SLC27A6: variants seen among roughly 807,000 people sequenced by gnomAD.
The protein encoded by SLC27A6 is long-chain fatty acid transport protein 6.
In SLC27A6, 74 loss-of-function variants were observed where a neutral mutation model predicts 63.9. The ratio of observed to expected loss-of-function variants is 1.16; its 90% CI spans 0.96 to 1.40. The LOEUF (loss-of-function observed/expected upper bound fraction) is 1.40. SLC27A6 is among the 40% of genes most tolerant of loss of function. SLC27A6 has a pLI of 0.00. For synonymous variants in SLC27A6, 287 were observed against 260.8 expected (o/e 1.10, Z -0.97); for missense variants, 794 against 732.9 (o/e 1.08, Z -0.96).
intron 5 of SLC27A6, among the ~76,000 whole-genome samples, chr5:129,016,486 C>T (rs977389725): frequency 2.1e-4 from 31 of 148,024 alleles, no homozygotes; most frequent in African/African-American, 6.5e-4. Flanking sequence ...AATATTATCA[C>T]CTTTTTTTTT....
intron 5 of SLC27A6, among the ~76,000 whole-genome samples, chr5:129,021,691 G>A (rs1339701971): frequency 6.6e-6 from 1 of 152,164 alleles, no homozygotes; most frequent in African/African-American, 2.4e-5. Context: ...AGCCATTTTT[G>A]TAATATCATG....
At chr5:129,005,873 A>C (rs1012648098) in intron 4 of SLC27A6, among the ~76,000 whole-genome samples, 40 of 151,274 alleles carry the variant, frequency 2.6e-4, no homozygotes, top group African/African-American at 9.2e-4. Context: ...CGGCCCCCCA[A>C]AGTGCTAGGA....
At chr5:129,023,806 C>G in intron 6 of SLC27A6, 96 bp downstream of exon 6, 1 of 805,468 alleles carries the variant, frequency 1.2e-6, no homozygotes, top group South Asian at 1.6e-5. Flanking sequence ...GTTCCAGGAC[C>G]CCGGGTAGAC....
At chr5:128,976,236 C>T (rs955253230) in intron 1 of SLC27A6, among the ~76,000 whole-genome samples, 8 of 152,124 alleles carry the variant, frequency 5.3e-5, no homozygotes, top group African/African-American at 1.7e-4. Flanking sequence ...GGGGCCAGCG[C>T]GGTGGCTCAT....
chr5:128,977,152 A>G (rs1355866652), intron 1 of SLC27A6, among the ~76,000 whole-genome samples: 4 of 152,256 alleles, frequency 2.6e-5, no homozygotes, highest in African/African-American at 9.6e-5. Context: ...GCAAGTGTTC[A>G]TGTGTATCAT....
chr5:128,967,731 A>G (rs1479127267), intron 1 of SLC27A6, among the ~76,000 whole-genome samples: 1 of 151,918 alleles, frequency 6.6e-6, no homozygotes, highest in East Asian at 1.9e-4. Context: ...GGTCTGATAA[A>G]GTGGCAAATG....
chr5:129,025,566 T>A (rs78386445), intron 6 of SLC27A6, among the ~76,000 whole-genome samples: 1 of 152,238 alleles, frequency 6.6e-6, no homozygotes, highest in Admixed American at 6.5e-5. Flanking sequence ...GCCTTTCTTA[T>A]AGGTTTGTGA....
chr5:128,974,695 G>C (rs1403232472), intron 1 of SLC27A6, among the ~76,000 whole-genome samples: 1 of 152,182 alleles, frequency 6.6e-6, no homozygotes, highest in Non-Finnish European at 1.5e-5. Flanking sequence ...TTCAGACGGA[G>C]GTAAGCCAGA....
At chr5:128,970,196 G>A in intron 1 of SLC27A6, among the ~76,000 whole-genome samples, 1 of 146,364 alleles carries the variant, frequency 6.8e-6, no homozygotes, top group Non-Finnish European at 1.5e-5. Flanking sequence ...TTGCATCAGT[G>A]TTCATCAAGG....
At position 128,985,132 on chromosome 5, in the gene SLC27A6, G is replaced by T. The variant is rs892764808; in HGVS notation, c.482-1G>T. On this transcript the variant is annotated splice_acceptor_variant, in intron 1 of 9. Coordinates refer to ENST00000262462, the MANE Select transcript of SLC27A6 (RefSeq NM_001017372.3). LOFTEE classifies it high-confidence loss of function. ...ACTCTTCCCAACCCTTTGGCTTTTA[G>T]ATTTGCTTGGAACGGTAGAAGAAAT... 6.2e-6 allele frequency: 10 copies of T among 1,612,072 alleles called. No homozygotes were observed. The highest frequency in any genetic ancestry group is 2.2e-5 in the South Asian group (2 of 90,914).
At position 128,966,048 on chromosome 5, in the gene SLC27A6, G is replaced by T; in HGVS notation, c.-90G>T. On this transcript the variant is annotated 5_prime_UTR_variant, in exon 1 of 10. Coordinates refer to ENST00000262462, the MANE Select transcript of SLC27A6 (RefSeq NM_001017372.3). ...TCAGGTGTAAGCCCTGAGTAGTGAG[G>T]ATCTGCGGTCTCCGTGGAGAGCTGT... 6.8e-7 allele frequency: 1 copy of T among 1,465,548 alleles called. No homozygotes were observed. The highest frequency in any genetic ancestry group is 1.5e-5 in the South Asian group (1 of 68,070). The allele number at this position is 1,465,548 out of a possible 1,614,324, so 90.8% of individuals were successfully genotyped here. A position where few individuals can be genotyped will look rare whatever the true frequency, so the allele number is the denominator to read the frequency against.
At chr5:129,018,228 A>T (rs758700695) in intron 5 of SLC27A6, among the ~76,000 whole-genome samples, 1 of 152,144 alleles carries the variant, frequency 6.6e-6, no homozygotes, top group Non-Finnish European at 1.5e-5. Context: ...TGTCACTTTC[A>T]TCCCTAACTG....
intron 4 of SLC27A6, among the ~76,000 whole-genome samples, chr5:129,000,811 C>G (rs1042761569): frequency 6.6e-6 from 1 of 152,070 alleles, no homozygotes; most frequent in African/African-American, 2.4e-5. Flanking sequence ...TCTTGCAGAC[C>G]GTTGGAGCTA....
chr5:129,023,522 G>C, intron 5 of SLC27A6, 98 bp from the exon 6 acceptor site: 2 of 675,148 alleles, frequency 3.0e-6, no homozygotes, highest in Admixed American at 6.1e-5. Flanking sequence ...ATTTCAATTA[G>C]CATAGTCTAC....
At chr5:128,979,797 A>G (rs1188030140) in intron 1 of SLC27A6, among the ~76,000 whole-genome samples, 4 of 152,238 alleles carry the variant, frequency 2.6e-5, no homozygotes, top group African/African-American at 9.6e-5. Flanking sequence ...TGAGAGTGAA[A>G]ACACATAAAC....
chr5:128,975,909 G>A (rs1017664548), intron 1 of SLC27A6, among the ~76,000 whole-genome samples: 7 of 152,068 alleles, frequency 4.6e-5, no homozygotes, highest in Non-Finnish European at 7.4e-5. Flanking sequence ...AAGAAACCAC[G>A]CATTATCAGT....
At chr5:129,016,252 C>T (rs942319943) in intron 5 of SLC27A6, among the ~76,000 whole-genome samples, 173 bp downstream of exon 5, 11 of 151,814 alleles carry the variant, frequency 7.2e-5, no homozygotes, top group East Asian at 3.9e-4. Context: ...CAAAATTAGA[C>T]GGGTGTAGTG....
intron 1 of SLC27A6, among the ~76,000 whole-genome samples, chr5:128,970,587 G>A (rs1006806449): frequency 6.6e-6 from 1 of 152,008 alleles, no homozygotes; most frequent in Non-Finnish European, 1.5e-5. Context: ...TTGCATTTCC[G>A]TGGGATCAGT....
chr5:129,027,832 C>T (rs1176456417), intron 7 of SLC27A6, among the ~76,000 whole-genome samples: 2 of 151,964 alleles, frequency 1.3e-5, no homozygotes, highest in Non-Finnish European at 2.9e-5. Context: ...TATAAGCTCA[C>T]TTTATATAAA....
Sources: allele counts gnomAD v4.1 joint callset (sites outside exome capture counted in the v4.1 genomes callset), GRCh38; gene constraint gnomAD v4.1.1; transcripts MANE v1.5; gene names NCBI Gene and HGNC (gene_info 2026-07-23, HGNC 2026-07-21).